NOTCH2NLR: variants seen among roughly 807,000 people sequenced by gnomAD.
NOTCH2NLR encodes the protein notch 2 N-terminal like R (pseudogene).
NOTCH2NLR carries 33 observed loss-of-function variants against 35.6 expected under a neutral mutation model. The observed-to-expected ratio is 0.93, with a 90% CI of 0.70 to 1.24. The LOEUF is 1.24. Ranked by LOEUF, NOTCH2NLR falls within the 50% of genes most tolerant of loss-of-function variation. The probability of loss-of-function intolerance (pLI) is 0.00; values close to 1 mark genes in which losing one functional copy is unlikely to be tolerated. For synonymous variants in NOTCH2NLR, 103 were observed against 141.0 expected (o/e 0.73, Z 1.91); for missense variants, 276 against 362.2 (o/e 0.76, Z 1.93).
rs1454998496 is a variant in NOTCH2NLR, at chr1:120,728,006, T to G, written c.73+3756T>G. 1.5e-4 allele frequency among the ~76,000 whole-genome samples: 18 copies of G among 119,308 alleles called. 4 individuals are homozygous for G. The highest frequency in any genetic ancestry group is 4.0e-4 in the Admixed American group (5 of 12,634). The allele number at this position is 119,308 out of a possible 152,430, so 78.3% of individuals were successfully genotyped here. On this transcript the variant is annotated intron_variant, in intron 1 of 4. Coordinates refer to ENST00000624419, the Ensembl canonical transcript of NOTCH2NLR. Reference sequence around the variant, plus strand: ...CGGTCCTCCATTTTCTGATGTTCATTGTTCATGGTCACAGAGCCAATTAGA... The same window carrying G: ...CGGTCCTCCATTTTCTGATGTTCATGGTTCATGGTCACAGAGCCAATTAGA...
rs1378436313 is a variant in NOTCH2NLR at position 120,763,849 on chromosome 1, G to A, written c.155+140G>A. The A allele has an allele frequency of 8.2e-6, 4 of 490,376 alleles. No individual in the cohort carries two copies. The Admixed American group carries it at 1.3e-4, about 16-fold the overall frequency. The allele number at this position is 490,376 out of a possible 1,614,324, so 30.4% of individuals were successfully genotyped here. On this transcript the variant is annotated intron_variant, in intron 2 of 4. Coordinates refer to ENST00000624419, the Ensembl canonical transcript of NOTCH2NLR. ...GGTACAGATTTTGGTTGGGGGTGAG[G>A]ATGGAAGGATGTGGATGCCAGATAA...
At position 120,790,791 on chromosome 1, in the gene NOTCH2NLR, C is replaced by T. The variant is rs1216316307; in HGVS notation, c.416-2370C>T. The stretch of plus-strand genomic sequence containing the variant: ...ATTTTTGTATTTTTAGAAAAGATGG[C>T]GTTTCACCATGTTGGCCAGGCTGGT... On this transcript the variant is annotated intron_variant, in intron 3 of 4. Coordinates refer to ENST00000624419, the Ensembl canonical transcript of NOTCH2NLR. 9.4e-5 allele frequency among the ~76,000 whole-genome samples: 10 copies of T among 106,164 alleles called. 2 individuals are homozygous for T. Among genetic ancestry groups the T allele is most frequent in the Admixed American group, 4.7e-4 (5 of 10,698 alleles). 69.6% of individuals were successfully genotyped at this position (106,164 alleles called of 152,430 possible).
At chr1:120,728,706 A>T (rs2101343127) in intron 1 of NOTCH2NLR, among the ~76,000 whole-genome samples, 1 of 117,098 alleles carries the variant, frequency 8.5e-6, no homozygotes, top group East Asian at 2.1e-4. Context: ...GAGTTAACTA[A>T]GTTTATATTT....
intron 4 of NOTCH2NLR, 79 bp downstream of exon 4, chr1:120,793,575 T>C: frequency 9.2e-7 from 1 of 1,082,038 alleles, no homozygotes; most frequent in Admixed American, 2.3e-5. Context: ...CAATTGCATT[T>C]TTTAGGAAGC....
In NOTCH2NLR at chr1:120,737,756, G is replaced by A. The variant is rs1430679333; in HGVS notation, c.73+13506G>A. Among the ~76,000 whole-genome samples the A allele has an allele frequency of 1.7e-3, 208 of 125,256 alleles. 42 individuals carry two copies. Among genetic ancestry groups the A allele is most frequent in the Non-Finnish European group, 2.8e-3 (171 of 61,370 alleles). 82.2% of individuals were successfully genotyped at this position (125,256 alleles called of 152,430 possible). A position where few individuals can be genotyped will look rare whatever the true frequency, so the allele number is the denominator to read the frequency against. ...AGTGATTCAGAATTGGATTAGCCTG[G>A]ACTGGTGGAGTTACTTTCTCAGAAA... On this transcript the variant is annotated intron_variant, in intron 1 of 4. Transcript: ENST00000624419.
chr1:120,755,933 CT>C lies in NOTCH2NLR; in HGVS notation c.74-7673del, dbSNP rs1168463033. The stretch of plus-strand genomic sequence containing the variant: ...AACAAAATCGATTTATCTCTTATTG[CT>C]TTTTTTTTTTTTTTTTTTTTTCCTT... On this transcript the variant is annotated intron_variant, in intron 1 of 4. Coordinates refer to ENST00000624419, the Ensembl canonical transcript of NOTCH2NLR. 3.4e-3 allele frequency among the ~76,000 whole-genome samples: 297 copies of C among 87,300 alleles called. 13 individuals carry two copies. Among genetic ancestry groups the C allele is most frequent in the Middle Eastern group, 0.015 (3 of 196 alleles). The allele number at this position is 87,300 out of a possible 152,430, so 57.3% of individuals were successfully genotyped here.
At chr1:120,752,527 T>C (rs1651028318) in intron 1 of NOTCH2NLR, among the ~76,000 whole-genome samples, 1 of 13,406 alleles carries the variant, frequency 7.5e-5, no homozygotes, top group Admixed American at 9.3e-4. Flanking sequence ...GGAATATATA[T>C]ATATATATAT....
chr1:120,779,893 GTC>G (rs1326807102), intron 2 of NOTCH2NLR, among the ~76,000 whole-genome samples: 1 of 119,354 alleles, frequency 8.4e-6, no homozygotes, highest in East Asian at 2.0e-4. Context: ...GGAAACAAGG[GTC>G]TGTTATTTCT....
At position 120,730,515 on chromosome 1, in the gene NOTCH2NLR, T is replaced by A. The variant is rs1175209064; in HGVS notation, c.73+6265T>A. The stretch of plus-strand genomic sequence containing the variant: ...AAGTGGCTTCAGATCTGAAAGGATA[T>A]GCTCATAGGCTTGAGACGGGACAAA... On this transcript the variant is annotated intron_variant, in intron 1 of 4. Transcript: ENST00000624419. Among the ~76,000 whole-genome samples the A allele has an allele frequency of 1.6e-3, 146 of 93,834 alleles. 26 individuals are homozygous for A. Among genetic ancestry groups the A allele is most frequent in the South Asian group, 9.1e-4 (3 of 3,290 alleles). The allele number at this position is 93,834 out of a possible 152,430, so 61.6% of individuals were successfully genotyped here.
chr1:120,788,057 T>G, intron 3 of NOTCH2NLR, among the ~76,000 whole-genome samples: 1 of 70,174 alleles, frequency 1.4e-5, no homozygotes, highest in Admixed American at 1.3e-4. Context: ...GCCCAAACCT[T>G]CATTCATCCA....
chr1:120,766,027 G>A (rs1372789028), intron 2 of NOTCH2NLR, among the ~76,000 whole-genome samples: 1 of 32,896 alleles, frequency 3.0e-5, no homozygotes, highest in Non-Finnish European at 5.4e-5. Flanking sequence ...AATACCTAAT[G>A]CACGTGGGGC....
chr1:120,763,144 G>C (rs1277158223), intron 1 of NOTCH2NLR, among the ~76,000 whole-genome samples: 1 of 31,760 alleles, frequency 3.1e-5, no homozygotes, highest in Non-Finnish European at 5.6e-5. Context: ...ATTTTAGTTT[G>C]TTGAATTACT....
Position 120,793,872 on chromosome 1 carries a change from G to T in NOTCH2NLR, c.*52G>T, listed in dbSNP as rs1236317928. The T allele has an allele frequency of 5.9e-5, 30 of 510,598 alleles. 5 individuals carry two copies. In the South Asian group the frequency reaches 6.2e-4, roughly 10 times the overall value. 31.6% of individuals were successfully genotyped at this position (510,598 alleles called of 1,614,324 possible). A position where few individuals can be genotyped will look rare whatever the true frequency, so the allele number is the denominator to read the frequency against. ...TGTGGTTAATAAAGTGCTTTAAACT[G>T]AATTGACATTAACAGTAGGTGATCA... On this transcript the variant is annotated 3_prime_UTR_variant, in exon 5 of 5. Coordinates refer to ENST00000624419, the Ensembl canonical transcript of NOTCH2NLR.
rs1428001473 is a variant in NOTCH2NLR, at chr1:120,783,788, G to C, written c.156-1186G>C. Among the ~76,000 whole-genome samples, 3 of 114,906 alleles carry C rather than the reference G, an allele frequency of 2.6e-5. No individual in the cohort carries two copies. The East Asian group carries it at 6.4e-4, about 25-fold the overall frequency. 75.4% of individuals were successfully genotyped at this position (114,906 alleles called of 152,430 possible). ...GGAAGAAGGAGAAATCAGCAATCCA[G>C]ACTAAGACTTCACTGGGTTTTGAGT... On this transcript the variant is annotated intron_variant, in intron 2 of 4. Coordinates refer to ENST00000624419, the Ensembl canonical transcript of NOTCH2NLR.
exon 4 of NOTCH2NLR, chr1:120,793,323 A>G: frequency 1.4e-6 from 2 of 1,406,524 alleles, no homozygotes; most frequent in Non-Finnish European, 1.9e-6. Flanking sequence ...GGACACTGCC[A>G]GCATGGTGGC....
At position 120,785,239 on chromosome 1, in the gene NOTCH2NLR, T is replaced by A. The variant is rs1651412728; in HGVS notation, c.415+6T>A. 31 of 1,444,468 alleles carry A rather than the reference T, an allele frequency of 2.1e-5. 4 individuals are homozygous for A. Among genetic ancestry groups the A allele is most frequent in the Non-Finnish European group, 2.8e-5 (30 of 1,080,746 alleles). 89.5% of individuals were successfully genotyped at this position (1,444,468 alleles called of 1,614,324 possible). ...CTGTCAAGTCGGGTTTACAGGTAAC[T>A]AATGAGACCAAAGCCAGTGCTTCCC... On this transcript the variant is annotated splice_donor_region_variant and intron_variant, in intron 3 of 4. Coordinates refer to ENST00000624419, the Ensembl canonical transcript of NOTCH2NLR.
intron 2 of NOTCH2NLR, among the ~76,000 whole-genome samples, chr1:120,767,988 C>T (rs1296983260): frequency 8.7e-6 from 1 of 115,316 alleles, no homozygotes; most frequent in South Asian, 2.5e-4. Context: ...TATGACTTCC[C>T]TTTACTTTAC....
chr1:120,728,063 C>T lies in NOTCH2NLR; in HGVS notation c.73+3813C>T, dbSNP rs1287339514. On this transcript the variant is annotated intron_variant, in intron 1 of 4. Transcript: ENST00000624419. ...ACTAGAATTCCTTTCTTCTGGTGTC[C>T]AGTGCCTCATTCACTGTCCACGTTG... 1.9e-3 allele frequency among the ~76,000 whole-genome samples: 227 copies of T among 118,628 alleles called. 83 individuals are homozygous for T. Among genetic ancestry groups the T allele is most frequent in the African/African-American group, 0.011 (223 of 20,558 alleles). The allele number at this position is 118,628 out of a possible 152,430, so 77.8% of individuals were successfully genotyped here.
Position 120,784,497 on chromosome 1 carries a change from G to T in NOTCH2NLR, c.156-477G>T, listed in dbSNP as rs1341820343. Among the ~76,000 whole-genome samples, 2 of 116,684 alleles carry T rather than the reference G, an allele frequency of 1.7e-5. 1 individual carries two copies. The highest frequency in any genetic ancestry group is 3.3e-5 in the Non-Finnish European group (2 of 60,886). 76.5% of individuals were successfully genotyped at this position (116,684 alleles called of 152,430 possible). ...ATTTGCTGTTCCCTTTCTCATGAAT[G>T]TGTTTCCCTAAGATACCTGCATGAT... On this transcript the variant is annotated intron_variant, in intron 2 of 4. Transcript: ENST00000624419.
Sources: allele counts gnomAD v4.1 joint callset (sites outside exome capture counted in the v4.1 genomes callset), GRCh38; gene constraint gnomAD v4.1.1; transcripts MANE v1.5; gene names NCBI Gene and HGNC (gene_info 2026-07-23, HGNC 2026-07-21).